GSE1: variants seen among roughly 807,000 people sequenced by gnomAD.
GSE1 encodes the protein genetic suppressor element 1.
In GSE1, 32 loss-of-function variants were observed where a neutral mutation model predicts 112.6. The observed-to-expected ratio is 0.28, with a 90% confidence interval of 0.21 to 0.38. The LOEUF is 0.38. Ranked by LOEUF, GSE1 falls within the 10% of genes least tolerant of loss-of-function variation. The probability of loss-of-function intolerance (pLI) is 1.00; values close to 1 mark genes in which losing one functional copy is unlikely to be tolerated. For missense variants in GSE1, 2,348 were observed against 1,699.2 expected (o/e 1.38, Z -6.71); for synonymous variants, 1,115 against 735.6 (o/e 1.52, Z -8.35).
At chr16:85,196,487 AT>A (rs1485594219) in intron 1 of GSE1, among the ~76,000 whole-genome samples, 4 of 152,040 alleles carry the variant, frequency 2.6e-5, no homozygotes, top group Admixed American at 6.6e-5. Context: ...GACTTTCTTA[AT>A]TTGAGAGAGA....
intron 1 of GSE1, among the ~76,000 whole-genome samples, chr16:85,623,174 A>G (rs1459658585): frequency 6.6e-6 from 1 of 152,088 alleles, no homozygotes; most frequent in Admixed American, 6.5e-5. Context: ...AGGTCAAATA[A>G]AAACAGGTTG....
rs558960508 is a variant in GSE1 at position 85,178,526 on chromosome 16, G to A, written c.2283+6719G>A. On this transcript the variant is annotated intron_variant, in intron 1 of 2. Transcript: ENST00000637419. ...ATCAGGATCTCTGAGGGGTGGTCCC[G>A]GGCCATGGTATTTTAAAGCTTCTAG... Among the ~76,000 whole-genome samples, 260 of 152,208 alleles carry A rather than the reference G, an allele frequency of 1.7e-3. 3 individuals are homozygous for A. The highest frequency in any genetic ancestry group is 3.4e-3 in the Middle Eastern group (1 of 294).
At chr16:85,485,504 C>T (rs935306444) in intron 2 of GSE1, among the ~76,000 whole-genome samples, 10 of 152,244 alleles carry the variant, frequency 6.6e-5, no homozygotes, top group African/African-American at 1.7e-4. Context: ...CTGCCTGTGG[C>T]GCCTGCCGCC....
chr16:85,292,328 G>GTTTTTTT (rs57225210), intron 1 of GSE1, among the ~76,000 whole-genome samples: 3 of 140,708 alleles, frequency 2.1e-5, no homozygotes, highest in Middle Eastern at 3.6e-3. Flanking sequence ...TTTTGTTTTT[G>GTTTTTTT]TTTTTTTTTT....
intron 1 of GSE1, among the ~76,000 whole-genome samples, chr16:85,276,870 C>T (rs1909418470): frequency 6.6e-6 from 1 of 152,196 alleles, no homozygotes; most frequent in Admixed American, 6.5e-5. Flanking sequence ...TCCTCAGACT[C>T]CTGTGCACGG....
At chr16:85,192,507 T>C (rs4255770) in intron 1 of GSE1, among the ~76,000 whole-genome samples, 92,622 of 151,802 alleles carry the variant, frequency 0.61, 29,006 homozygotes, top group African/African-American at 0.76. Context: ...CGTTGCTGGG[T>C]GCCCAGGTTG....
intron 2 of GSE1, among the ~76,000 whole-genome samples, chr16:85,382,937 ACAC>A (rs938742802): frequency 6.7e-5 from 10 of 150,062 alleles, no homozygotes; most frequent in Non-Finnish European, 1.5e-4. Flanking sequence ...CGCGCACACA[ACAC>A]GTACACATGC....
intron 2 of GSE1, among the ~76,000 whole-genome samples, chr16:85,487,565 G>A (rs1397243371): frequency 1.3e-5 from 2 of 152,216 alleles, no homozygotes; most frequent in African/African-American, 4.8e-5. Flanking sequence ...GGCACGGAGA[G>A]GCTAGGTGAC....
intron 2 of GSE1, among the ~76,000 whole-genome samples, chr16:85,644,077 C>A (rs1024911490): frequency 2.0e-5 from 3 of 152,288 alleles, no homozygotes; most frequent in African/African-American, 7.2e-5. Context: ...CCTGTAATCC[C>A]AGCACTGTGG....
chr16:85,628,998 C>G (rs1034532030), intron 1 of GSE1, among the ~76,000 whole-genome samples: 10 of 152,164 alleles, frequency 6.6e-5, no homozygotes, highest in African/African-American at 2.4e-4. Flanking sequence ...AAGGGGTTAT[C>G]ACCGTCACCT....
intron 1 of GSE1, among the ~76,000 whole-genome samples, chr16:85,573,981 G>T (rs965955975): frequency 6.6e-6 from 1 of 152,222 alleles, no homozygotes; most frequent in African/African-American, 2.4e-5. Context: ...CCGTCTCTTT[G>T]GCCAGAGAAG....
At chr16:85,445,191 C>T (rs933760343) in intron 2 of GSE1, among the ~76,000 whole-genome samples, 2 of 152,354 alleles carry the variant, frequency 1.3e-5, no homozygotes, top group Non-Finnish European at 2.9e-5. Flanking sequence ...ACTGCCCTCC[C>T]CCATGGGGCC....
At chr16:85,377,621 C>G (rs975252125) in intron 2 of GSE1, among the ~76,000 whole-genome samples, 3 of 150,340 alleles carry the variant, frequency 2.0e-5, no homozygotes, top group African/African-American at 7.2e-5. Context: ...CAGTTCTCAC[C>G]CCACATGCCC....
intron 1 of GSE1, among the ~76,000 whole-genome samples, chr16:85,277,837 AGG>A (rs1383203399): frequency 6.6e-6 from 1 of 152,202 alleles, no homozygotes; most frequent in Non-Finnish European, 1.5e-5. Context: ...GGCAGACCCC[AGG>A]CCGGCCCCAG....
chr16:85,599,780 G>A (rs562809246), intron 1 of GSE1, among the ~76,000 whole-genome samples: 1 of 152,216 alleles, frequency 6.6e-6, no homozygotes, highest in East Asian at 1.9e-4. Flanking sequence ...TGTGCGTGTC[G>A]CCCCAGCTAC....
upstream of GSE1, among the ~76,000 whole-genome samples, chr16:85,608,226 G>A (rs1368597570): frequency 1.3e-5 from 2 of 152,160 alleles, no homozygotes; most frequent in Admixed American, 6.5e-5. Context: ...TCACCGATGC[G>A]TAGGGCAGGG....
intron 2 of GSE1, among the ~76,000 whole-genome samples, chr16:85,643,262 T>TAAGTC (rs2050591158): frequency 6.6e-6 from 1 of 152,184 alleles, no homozygotes. Context: ...TACCGCCAGT[T>TAAGTC]AATTACAGCA....
At chr16:85,257,172 G>A (rs1457726223) in intron 1 of GSE1, among the ~76,000 whole-genome samples, 1 of 152,120 alleles carries the variant, frequency 6.6e-6, no homozygotes, top group African/African-American at 2.4e-5. Flanking sequence ...GCAGTGGCGC[G>A]ATCTCGGCCC....
chr16:85,532,231 G>T (rs2044161933), intron 2 of GSE1, among the ~76,000 whole-genome samples: 1 of 152,096 alleles, frequency 6.6e-6, no homozygotes. Flanking sequence ...TATGCCTAAG[G>T]CTGCACAGCT....
Sources: gnomAD v4.1 joint callset for allele counts (sites outside exome capture counted in the v4.1 genomes callset) on GRCh38, gnomAD v4.1.1 for gene constraint, MANE v1.5 for transcripts, NCBI Gene and HGNC (gene_info 2026-07-23, HGNC 2026-07-21) for gene names.